Variants in RPS6KC1 observed in about 807,000 individuals in gnomAD.
The protein encoded by RPS6KC1 is inactive ribosomal protein S6 kinase delta-1.
Under a neutral mutation model 103.8 loss-of-function variants are expected in RPS6KC1, and 54 were observed. The ratio of observed to expected loss-of-function variants is 0.52; its 90% CI spans 0.42 to 0.65. RPS6KC1 has a LOEUF of 0.65. Among genes scored for constraint, RPS6KC1 ranks in the 30% least tolerant of loss-of-function variants. RPS6KC1 has a pLI of 0.00. For synonymous variants in RPS6KC1, 439 were observed against 438.7 expected (o/e 1.00, Z -0.01); for missense variants, 1,151 against 1,253.8 (o/e 0.92, Z 1.24).
At chr1:213,696,433 C>T in the RPS6KC1 span, among the ~76,000 whole-genome samples, 8 of 142,102 alleles carry the variant, frequency 5.6e-5, no homozygotes, top group Admixed American at 1.4e-4. Flanking sequence ...ACCCGGGAGG[C>T]GGAGACTGCG....
intron 6 of RPS6KC1, among the ~76,000 whole-genome samples, chr1:213,149,184 T>C (rs1572843775): frequency 6.6e-6 from 1 of 152,142 alleles, no homozygotes; most frequent in African/African-American, 2.4e-5. Flanking sequence ...CTCTGATCTT[T>C]ATTATTTTTT....
At chr1:213,051,797 G>T (rs1558219855) in intron 1 of RPS6KC1, among the ~76,000 whole-genome samples, 1 of 152,192 alleles carries the variant, frequency 6.6e-6, no homozygotes, top group Non-Finnish European at 1.5e-5. Context: ...ATCCCGTTTG[G>T]ACTTTCTCTT....
the RPS6KC1 span, among the ~76,000 whole-genome samples, chr1:213,283,763 G>A: frequency 5.3e-5 from 8 of 152,168 alleles, 1 homozygote; most frequent in Non-Finnish European, 1.0e-4. Flanking sequence ...CTAGGGACAA[G>A]AGAAGGGTCC....
chr1:213,252,103 T>G (rs2094556252), intron 12 of RPS6KC1, among the ~76,000 whole-genome samples: 1 of 152,240 alleles, frequency 6.6e-6, no homozygotes, highest in African/African-American at 2.4e-5. Flanking sequence ...TCTTTCTCTT[T>G]GCTCTTTAGT....
At chr1:213,586,974 C>T in the RPS6KC1 span, among the ~76,000 whole-genome samples, 1 of 152,204 alleles carries the variant, frequency 6.6e-6, no homozygotes, top group Non-Finnish European at 1.5e-5. Flanking sequence ...CCTAATCCCC[C>T]ACGCAAGTCA....
chr1:213,855,754 C>T, the RPS6KC1 span, among the ~76,000 whole-genome samples: 3 of 152,270 alleles, frequency 2.0e-5, no homozygotes, highest in South Asian at 2.1e-4. Context: ...AACACATCCA[C>T]GACCAGCTTT....
chr1:213,278,094 A>C (rs1243374585), downstream of RPS6KC1, among the ~76,000 whole-genome samples: 1 of 152,030 alleles, frequency 6.6e-6, no homozygotes, highest in Non-Finnish European at 1.5e-5. Flanking sequence ...AGTCCCAGCT[A>C]CTTGGGAGGC....
chr1:213,369,857 C>T, the RPS6KC1 span, among the ~76,000 whole-genome samples: 1 of 152,172 alleles, frequency 6.6e-6, no homozygotes, highest in Admixed American at 6.5e-5. Flanking sequence ...GAATTGAGGG[C>T]CTGGGTTCGG....
At chr1:213,708,869 G>T in the RPS6KC1 span, among the ~76,000 whole-genome samples, 3 of 152,176 alleles carry the variant, frequency 2.0e-5, no homozygotes, top group African/African-American at 7.2e-5. Context: ...ATTTGTGTAT[G>T]TTGAACCAGC....
intron 3 of RPS6KC1, among the ~76,000 whole-genome samples, chr1:213,093,994 A>G (rs2081225031): frequency 6.6e-6 from 1 of 151,446 alleles, no homozygotes; most frequent in African/African-American, 2.4e-5. Flanking sequence ...TTAACTGTTT[A>G]CCCTTCCTGG....
At chr1:213,515,490 C>T in the RPS6KC1 span, among the ~76,000 whole-genome samples, 3,795 of 152,272 alleles carry the variant, frequency 0.025, 61 homozygotes, top group Non-Finnish European at 0.041. Context: ...ATAGGGAATC[C>T]TTTCCCCATT....
the RPS6KC1 span, among the ~76,000 whole-genome samples, chr1:213,338,906 A>G: frequency 6.6e-6 from 1 of 151,540 alleles, no homozygotes; most frequent in Non-Finnish European, 1.5e-5. Flanking sequence ...GGCTCCTTGT[A>G]CCTTTTGACC....
chr1:213,756,806 C>T, the RPS6KC1 span, among the ~76,000 whole-genome samples: 11 of 152,014 alleles, frequency 7.2e-5, no homozygotes, highest in African/African-American at 2.7e-4. Flanking sequence ...GATCTGGTTT[C>T]ACTATGTTGC....
At chr1:213,316,306 C>A in the RPS6KC1 span, among the ~76,000 whole-genome samples, 1 of 152,214 alleles carries the variant, frequency 6.6e-6, no homozygotes, top group African/African-American at 2.4e-5. Flanking sequence ...AACCTCTTTT[C>A]TTTGTAAATT....
chr1:213,844,550 T>C, the RPS6KC1 span, among the ~76,000 whole-genome samples: 5 of 152,206 alleles, frequency 3.3e-5, no homozygotes, highest in Non-Finnish European at 7.4e-5. Flanking sequence ...TAGAAGGTGA[T>C]TATTTGCTTT....
At chr1:213,393,455 T>G in the RPS6KC1 span, among the ~76,000 whole-genome samples, 1 of 152,236 alleles carries the variant, frequency 6.6e-6, no homozygotes, top group East Asian at 1.9e-4. Context: ...ATGGAGTTTT[T>G]AATCTCACTC....
chr1:213,710,782 T>C, the RPS6KC1 span, among the ~76,000 whole-genome samples: 1 of 152,194 alleles, frequency 6.6e-6, no homozygotes, highest in Non-Finnish European at 1.5e-5. Context: ...TGGAGCTTAG[T>C]TTGGCTGGAT....
the RPS6KC1 span, among the ~76,000 whole-genome samples, chr1:213,736,432 T>G: frequency 1.3e-5 from 2 of 152,208 alleles, no homozygotes; most frequent in African/African-American, 2.4e-5. Flanking sequence ...CAACACACAG[T>G]TTCTTGCCAA....
chr1:213,520,687 A>G, the RPS6KC1 span, among the ~76,000 whole-genome samples: 1 of 152,184 alleles, frequency 6.6e-6, no homozygotes, highest in African/African-American at 2.4e-5. Flanking sequence ...AAGATAAGGC[A>G]AGAAAGAGGA....
Sources: allele counts gnomAD v4.1 joint callset (sites outside exome capture counted in the v4.1 genomes callset), GRCh38; gene constraint gnomAD v4.1.1; transcripts MANE v1.5; gene names NCBI Gene and HGNC (gene_info 2026-07-23, HGNC 2026-07-21).